The following ODAM variants were observed in gnomAD, a reference collection of about 807,000 sequenced individuals.
ODAM encodes odontogenic, ameloblast associated.
A neutral mutation model predicts 48.5 loss-of-function variants in ODAM; 55 were observed. The observed-to-expected ratio is 1.13, with a 90% CI of 0.91 to 1.42. The LOEUF is 1.42. ODAM is among the 40% of genes most tolerant of loss of function. ODAM has a pLI of 0.00. For synonymous variants in ODAM, 127 were observed against 107.8 expected (o/e 1.18, Z -1.10); for missense variants, 353 against 323.6 (o/e 1.09, Z -0.70).
chr4:70,202,802 T>G lies in ODAM; in HGVS notation c.695T>G (p.Phe232Cys). ...TATTTACAAAAAGAAGCGATCAACT[T>G]TAGACATGACAGTGCAGGAGTTTTC... ...IPYLQKEAIN[F>C]RHDSAGVFMP... Residue 232 changes from phenylalanine (F) to cysteine (C), a missense_variant, in exon 10 of 12, where the codon TTT becomes TGT. Physicochemically the swap from Phe to Cys is radical, Grantham distance 205. Coordinates refer to ENST00000683306, the MANE Select transcript of ODAM (RefSeq NM_017855.4). The G allele has an allele frequency of 6.2e-7, 1 of 1,612,010 alleles. No homozygotes were observed.
chr4:70,198,021 T>C lies in ODAM; in HGVS notation c.239T>C (p.Leu80Pro), dbSNP rs1279708160. The C allele has an allele frequency of 9.3e-6, 15 of 1,613,120 alleles. No individual in the cohort carries two copies. The highest frequency in any genetic ancestry group is 1.3e-5 in the African/African-American group (1 of 74,820). Residue 80 changes from leucine to proline, a missense_variant, in exon 5 of 12, where the codon CTA (leucine) becomes CCA (proline). Coordinates refer to ENST00000683306, the MANE Select transcript of ODAM (RefSeq NM_017855.4). ...CTCTCCCAGTTCTCTTTATCAGCTCTAGACCAGTTTGCTGGACTGCTCCCA... is the reference window on the plus strand; with the variant it reads ...CTCTCCCAGTTCTCTTTATCAGCTCCAGACCAGTTTGCTGGACTGCTCCCA... The part of the protein sequence containing the change: ...PGLSQFSLSA[L>P]DQFAGLLPNQ...
Position 70,198,486 on chromosome 4 carries a change from A to G in ODAM, c.376-93A>G. 4.0e-6 allele frequency: 4 copies of G among 996,798 alleles called. No homozygotes were observed. The South Asian group carries it at 6.1e-5, about 15-fold the overall frequency. The allele number at this position is 996,798 out of a possible 1,614,324, so 61.7% of individuals were successfully genotyped here. A position where few individuals can be genotyped will look rare whatever the true frequency, so the allele number is the denominator to read the frequency against. ...GTGGAAACTTGTTAACACAAAGGAT[A>G]AATTTATATGGCTAGCTCTAGGAAA... On this transcript the variant is annotated intron_variant, in intron 5 of 11. Coordinates refer to ENST00000683306, the MANE Select transcript of ODAM (RefSeq NM_017855.4).
Position 70,197,470 on chromosome 4 carries a change from T to C in ODAM, c.141+149T>C, listed in dbSNP as rs190481782. 9.8e-4 allele frequency: 646 copies of C among 661,484 alleles called. 6 individuals carry two copies. In the African/African-American group the frequency reaches 0.011, roughly 11 times the overall value. 41.0% of individuals were successfully genotyped at this position (661,484 alleles called of 1,614,324 possible). On this transcript the variant is annotated intron_variant, in intron 4 of 11. Transcript: ENST00000683306. ...TTTGTCTCATATGTTCTAGTGGCCA[T>C]TTGCTTGAAGATTAAAGTAAAAACT...
chr4:70,196,439 G>C, intron 1 of ODAM, 90 bp from the exon 2 acceptor site: 2 of 659,190 alleles, frequency 3.0e-6, no homozygotes, highest in Non-Finnish European at 5.0e-6. Context: ...AATTCACCCA[G>C]CTATTCCTTT....
chr4:70,200,725 G>A (rs1181634830), intron 7 of ODAM, 124 bp downstream of exon 7: 3 of 582,564 alleles, frequency 5.1e-6, no homozygotes, highest in Non-Finnish European at 9.1e-6. Context: ...CATGAAACAG[G>A]TAGGCATAAG....
chr4:70,196,815 A>G, intron 3 of ODAM, 82 bp downstream of exon 3: 1 of 1,125,524 alleles, frequency 8.9e-7, no homozygotes, highest in Non-Finnish European at 1.3e-6. Flanking sequence ...CATTTAATTT[A>G]TACTGTGTTC....
At chr4:70,200,226 GAAAA>G in intron 6 of ODAM, 1 of 281,206 alleles carries the variant, frequency 3.6e-6, no homozygotes, top group South Asian at 4.1e-5. Flanking sequence ...GATGTCCTTT[GAAAA>G]AAAAAAAAAG....
At chr4:70,202,941 T>C (rs776080133) in intron 10 of ODAM, 24 bp downstream of exon 10, 2 of 1,583,370 alleles carry the variant, frequency 1.3e-6, no homozygotes, top group Non-Finnish European at 1.7e-6. Flanking sequence ...AACTTCACTT[T>C]ATGCAAAAAA....
intron 3 of ODAM, 81 bp downstream of exon 3, chr4:70,196,814 T>C (rs1729376280): frequency 1.8e-6 from 2 of 1,124,314 alleles, no homozygotes; most frequent in Non-Finnish European, 2.6e-6. Flanking sequence ...TCATTTAATT[T>C]ATACTGTGTT....
intron 7 of ODAM, 68 bp from the exon 8 acceptor site, chr4:70,201,386 C>G: frequency 1.4e-6 from 1 of 729,804 alleles, no homozygotes; most frequent in Non-Finnish European, 2.3e-6. Flanking sequence ...TTTAAGTAAT[C>G]ATTTACTGCA....
At chr4:70,200,921 A>G (rs575820994) in intron 7 of ODAM, among the ~76,000 whole-genome samples, 122 of 152,092 alleles carry the variant, frequency 8.0e-4, no homozygotes, top group Non-Finnish European at 1.6e-3. Flanking sequence ...ACCTTTCCAC[A>G]TATGTGTGTG....
chr4:70,197,965 A>G lies in ODAM; in HGVS notation c.183A>G (p.Leu61=). The G allele has an allele frequency of 6.2e-7, 1 of 1,613,292 alleles. No individual in the cohort carries two copies. The highest frequency in any genetic ancestry group is 8.5e-7 in the Non-Finnish European group (1 of 1,179,532). ...GGATTCCACCTTTCTCTGGAATTTT[A>G]CAACAGCAGCAGCAGGCTCAAATTC... is the stretch of plus-strand genomic sequence containing the variant. ...NSWIPPFSGI[L]QQQQQAQIPG... is the part of the protein sequence containing the mutation. The change falls in exon 5 of 12, where the codon TTA becomes TTG. Residue 61 remains leucine, a synonymous_variant. Coordinates refer to ENST00000683306, the MANE Select transcript of ODAM (RefSeq NM_017855.4).
At chr4:70,202,196 G>T (rs1729511453) in intron 8 of ODAM, 62 bp from the exon 9 acceptor site, 4 of 1,214,156 alleles carry the variant, frequency 3.3e-6, no homozygotes, top group Admixed American at 3.4e-5. Context: ...ACTCTGGGTG[G>T]CCAAAGAGCA....
At chr4:70,203,088 C>T in intron 10 of ODAM, 68 bp from the exon 11 acceptor site, 2 of 1,387,008 alleles carry the variant, frequency 1.4e-6, no homozygotes, top group Non-Finnish European at 2.0e-6. Context: ...TTTTGATAAT[C>T]AATTAATCAG....
intron 9 of ODAM, 52 bp from the exon 10 acceptor site, chr4:70,202,704 G>T: frequency 7.2e-7 from 1 of 1,388,220 alleles, no homozygotes; most frequent in Non-Finnish European, 1.0e-6. Flanking sequence ...TCCCAATTTT[G>T]GCCTTCTTGT....
chr4:70,196,878 A>G, intron 3 of ODAM, 145 bp downstream of exon 3: 1 of 628,346 alleles, frequency 1.6e-6, no homozygotes, highest in Non-Finnish European at 2.8e-6. Flanking sequence ...TCCATGTTTG[A>G]TTATATAACA....
intron 8 of ODAM, 106 bp downstream of exon 8, chr4:70,201,607 C>T (rs1427581143): frequency 1.2e-5 from 8 of 671,612 alleles, no homozygotes; most frequent in African/African-American, 9.4e-5. Flanking sequence ...GAGCGCACCT[C>T]TAATTGAACA....
At chr4:70,202,988 C>G (rs112509037) in intron 10 of ODAM, 71 bp downstream of exon 10, 1 of 1,447,172 alleles carries the variant, frequency 6.9e-7, no homozygotes, top group Non-Finnish European at 9.5e-7. Context: ...AAAATTAGTG[C>G]TTTAATTTAT....
chr4:70,201,876 C>T (rs147092766), intron 8 of ODAM, among the ~76,000 whole-genome samples: 1 of 152,038 alleles, frequency 6.6e-6, no homozygotes, highest in African/African-American at 2.4e-5. Flanking sequence ...GGTAAAGAAG[C>T]ATCAGTCGCT....
Sources: gnomAD v4.1 joint callset for allele counts (sites outside exome capture counted in the v4.1 genomes callset) on GRCh38, gnomAD v4.1.1 for gene constraint, MANE v1.5 for transcripts, NCBI Gene and HGNC (gene_info 2026-07-23, HGNC 2026-07-21) for gene names.